The following IFNAR2 variants were observed in gnomAD, a reference collection of about 807,000 sequenced individuals.
The protein encoded by IFNAR2 is interferon alpha and beta receptor subunit 2.
Under a neutral mutation model 49.4 loss-of-function variants are expected in IFNAR2, and 30 were observed. The ratio of observed to expected loss-of-function variants is 0.61; its 90% CI spans 0.45 to 0.82. The LOEUF is 0.82. Ranked by LOEUF, IFNAR2 falls within the 40% of genes least tolerant of loss-of-function variation. IFNAR2 has a pLI of 0.00. For missense variants in IFNAR2, 600 were observed against 622.7 expected (o/e 0.96, Z 0.39); for synonymous variants, 224 against 234.5 (o/e 0.96, Z 0.41).
Position 33,248,707 on chromosome 21 carries a change from A to G in IFNAR2, c.395-2A>G, listed in dbSNP as rs1488941334. On this transcript the variant is annotated splice_acceptor_variant, in intron 5 of 8. Coordinates refer to ENST00000342136, the MANE Select transcript of IFNAR2 (RefSeq NM_001289125.3). LOFTEE classifies it high-confidence loss of function. Reference sequence around the variant, plus strand: ...TCCTGTCTGTTTTTGTTTTTTGCACAGTGTCTTTTGAACCACCAGAGTTTG... The same window carrying G: ...TCCTGTCTGTTTTTGTTTTTTGCACGGTGTCTTTTGAACCACCAGAGTTTG... 1 of 1,597,886 alleles carries G rather than the reference A, an allele frequency of 6.3e-7. No individual in the cohort carries two copies. Among genetic ancestry groups the G allele is most frequent in the Non-Finnish European group, 8.5e-7 (1 of 1,173,698 alleles).
At chr21:33,245,501 C>T (rs1987331240) in intron 4 of IFNAR2, among the ~76,000 whole-genome samples, 2 of 152,204 alleles carry the variant, frequency 1.3e-5, no homozygotes, top group Admixed American at 1.3e-4. Flanking sequence ...GGTGGGACAC[C>T]AGAAAGCTGC....
rs773802730 is a variant in IFNAR2, at chr21:33,262,707, C to T, written c.841-86C>T. On this transcript the variant is annotated intron_variant, in intron 8 of 8. Transcript: ENST00000342136. The stretch of plus-strand genomic sequence containing the variant: ...ATTACAAGCGTGCATCCCTGTGCCC[C>T]AGTGATTAAGTTTTATTATGTAGAA... 1.0e-5 allele frequency: 16 copies of T among 1,555,430 alleles called. No homozygotes were observed. In the African/African-American group the frequency reaches 2.0e-4, roughly 20 times the overall value.
chr21:33,245,735 T>C (rs1987349573), intron 4 of IFNAR2, among the ~76,000 whole-genome samples: 1 of 152,210 alleles, frequency 6.6e-6, no homozygotes, highest in South Asian at 2.1e-4. Flanking sequence ...GAGTGTCCTT[T>C]TGATGGTTAT....
chr21:33,250,786 A>C (rs1177697766), intron 6 of IFNAR2, among the ~76,000 whole-genome samples: 2 of 152,070 alleles, frequency 1.3e-5, no homozygotes, highest in Non-Finnish European at 2.9e-5. Context: ...CGATCCACCC[A>C]CCTCAGCCTC....
intron 1 of IFNAR2, among the ~76,000 whole-genome samples, chr21:33,233,372 T>C (rs138122674): frequency 1.3e-5 from 2 of 151,842 alleles, no homozygotes; most frequent in African/African-American, 4.8e-5. Context: ...GACAGAAAAT[T>C]CAAATAAAAA....
intron 3 of IFNAR2, among the ~76,000 whole-genome samples, 185 bp downstream of exon 3, chr21:33,243,899 ACTAGT>A (rs1244161633): frequency 1.3e-5 from 2 of 152,332 alleles, no homozygotes; most frequent in East Asian, 3.9e-4. Flanking sequence ...GAGATACAAA[ACTAGT>A]CTAAGAAATG....
At chr21:33,250,624 G>A (rs1468398276) in intron 6 of IFNAR2, among the ~76,000 whole-genome samples, 2 of 152,066 alleles carry the variant, frequency 1.3e-5, no homozygotes, top group Non-Finnish European at 2.9e-5. Flanking sequence ...TGCAACCTCC[G>A]CCTCCCGGGT....
chr21:33,241,851 A>G lies in IFNAR2; in HGVS notation c.-72A>G, dbSNP rs1986951357. ...TTTTATATTTGCAGTTTAATTAGAC[A>G]CTTCAGAATTTTGATCACCTAATGT... On this transcript the variant is annotated 5_prime_UTR_variant, in exon 2 of 9. Transcript: ENST00000342136. 1 of 1,596,888 alleles carries G rather than the reference A, an allele frequency of 6.3e-7. No individual in the cohort carries two copies. Among genetic ancestry groups the G allele is most frequent in the Middle Eastern group, 1.7e-4 (1 of 5,734 alleles).
chr21:33,247,574 T>A (rs940448814), intron 5 of IFNAR2, among the ~76,000 whole-genome samples: 1 of 152,068 alleles, frequency 6.6e-6, no homozygotes, highest in Non-Finnish European at 1.5e-5. Flanking sequence ...ATACAGCAAC[T>A]CCACCCCCTC....
intron 1 of IFNAR2, among the ~76,000 whole-genome samples, chr21:33,234,140 G>A (rs1009649364): frequency 2.7e-5 from 4 of 150,144 alleles, no homozygotes; most frequent in Non-Finnish European, 5.9e-5. Context: ...CAACTCCTTT[G>A]ACTTTATTTT....
chr21:33,245,732 C>G (rs1168389056), intron 4 of IFNAR2, among the ~76,000 whole-genome samples: 3 of 152,316 alleles, frequency 2.0e-5, no homozygotes, highest in South Asian at 2.1e-4. Context: ...TTGGAGTGTC[C>G]TTTTGATGGT....
intron 7 of IFNAR2, 34 bp from the exon 8 acceptor site, chr21:33,260,563 T>C: frequency 6.4e-7 from 1 of 1,569,874 alleles, no homozygotes; most frequent in Non-Finnish European, 8.6e-7. Context: ...TATTGCATTT[T>C]TTGAAATAAA....
intron 7 of IFNAR2, among the ~76,000 whole-genome samples, chr21:33,253,228 A>G (rs900357468): frequency 6.6e-5 from 10 of 152,218 alleles, no homozygotes; most frequent in African/African-American, 2.4e-4. Flanking sequence ...GGTTGGGTGC[A>G]GTTCATGGAT....
At chr21:33,235,579 G>GTC (rs368695700) in intron 1 of IFNAR2, among the ~76,000 whole-genome samples, 3 of 151,950 alleles carry the variant, frequency 2.0e-5, no homozygotes, top group Non-Finnish European at 4.4e-5. Context: ...TTCTTCCACA[G>GTC]TCTCTCTCTC....
Position 33,263,372 on chromosome 21 carries a change from G to A in IFNAR2, c.1420G>A (p.Gly474Arg), listed in dbSNP as rs768028214. The A allele has an allele frequency of 1.5e-5, 24 of 1,614,006 alleles. No individual in the cohort carries two copies. Among genetic ancestry groups the A allele is most frequent in the South Asian group, 5.5e-5 (5 of 91,082 alleles). ...NVQSNHLLAS[G>R]EGTQPTFPSP... ...GCAATCAAACCATTTGCTGGCCAGC[G>A]GGGAAGGGACACAGCCAACCTTTCC... Residue 474 changes from glycine to arginine, a missense_variant, in exon 9 of 9, where the codon GGG (glycine) becomes AGG (arginine). Transcript: ENST00000342136.
chr21:33,241,294 A>G (rs1320511488), intron 1 of IFNAR2, among the ~76,000 whole-genome samples: 5 of 152,216 alleles, frequency 3.3e-5, no homozygotes, highest in Non-Finnish European at 2.9e-5. Context: ...AAATTTTCCC[A>G]CACTTAAACT....
At chr21:33,252,897 A>G in intron 7 of IFNAR2, 67 bp downstream of exon 7, 1 of 1,250,284 alleles carries the variant, frequency 8.0e-7, no homozygotes, top group African/African-American at 1.5e-5. Flanking sequence ...AAGCCTATTT[A>G]AAGAAAAGAA....
At chr21:33,235,556 A>T (rs1057089366) in intron 1 of IFNAR2, among the ~76,000 whole-genome samples, 1 of 152,166 alleles carries the variant, frequency 6.6e-6, no homozygotes, top group Non-Finnish European at 1.5e-5. Context: ...AAGGTACTAA[A>T]ATATAAAGCC....
intron 4 of IFNAR2, among the ~76,000 whole-genome samples, chr21:33,246,497 G>A (rs1440654999): frequency 2.0e-5 from 3 of 152,158 alleles, no homozygotes; most frequent in Admixed American, 6.5e-5. Flanking sequence ...AATGTGACAG[G>A]TGTGGGTAAA....
Sources: allele counts gnomAD v4.1 joint callset (sites outside exome capture counted in the v4.1 genomes callset), GRCh38; gene constraint gnomAD v4.1.1; transcripts MANE v1.5; gene names NCBI Gene and HGNC (gene_info 2026-07-23, HGNC 2026-07-21).